Variants in NLRP5 observed in about 807,000 individuals in gnomAD.
NLRP5 encodes NACHT, LRR and PYD domains-containing protein 5.
NLRP5 carries 93 observed loss-of-function variants against 113.1 expected under a neutral mutation model. The ratio of observed to expected loss-of-function variants is 0.82; its 90% confidence interval spans 0.70 to 0.98. NLRP5 has a LOEUF of 0.98. NLRP5 is among the 50% of genes least tolerant of loss of function. NLRP5 has a pLI of 0.00. For missense variants in NLRP5, 1,808 were observed against 1,514.3 expected, an observed-to-expected ratio of 1.19 and a Z score of -3.22; for synonymous variants, 751 against 600.7, an observed-to-expected ratio of 1.25 and a Z score of -3.66.
chr19:56,050,502 C>G lies in NLRP5; in HGVS notation c.3042C>G (p.Ser1014Arg). The G allele has an allele frequency of 1.9e-6, 3 of 1,613,892 alleles. No homozygotes were observed. The highest frequency in any genetic ancestry group is 2.5e-6 in the Non-Finnish European group (3 of 1,179,856). The change falls in exon 12 of 15, where the codon AGC (serine) becomes AGG (arginine). Residue 1014 changes from serine (S) to arginine (R), a missense_variant. Transcript: ENST00000390649. ...GTAACTCATGGCTGACGCACCTGAG[C>G]CTTAGCATGAACCCTGTGGAAGACA...
At chr19:56,019,101 T>G (rs1335266266) in intron 4 of NLRP5, among the ~76,000 whole-genome samples, 1 of 152,088 alleles carries the variant, frequency 6.6e-6, no homozygotes, top group Admixed American at 6.6e-5. Context: ...CAACCTACCC[T>G]TCATTTTAAT....
chr19:56,043,862 C>G (rs1198574691), intron 11 of NLRP5, among the ~76,000 whole-genome samples: 1 of 151,602 alleles, frequency 6.6e-6, no homozygotes, highest in Non-Finnish European at 1.5e-5. Flanking sequence ...CAGGCGTGAG[C>G]CACCACGCCT....
intron 9 of NLRP5, among the ~76,000 whole-genome samples, chr19:56,034,508 T>C (rs1349330142): frequency 1.3e-5 from 2 of 152,222 alleles, no homozygotes; most frequent in Admixed American, 1.3e-4. Context: ...TATAGCAGTT[T>C]ATTACATCTA....
chr19:56,060,110 T>C (rs2123348656), intron 14 of NLRP5, among the ~76,000 whole-genome samples: 1 of 152,256 alleles, frequency 6.6e-6, no homozygotes, highest in East Asian at 1.9e-4. Context: ...GGAGTGCTGT[T>C]GAAAGAATGT....
intron 7 of NLRP5, among the ~76,000 whole-genome samples, chr19:56,029,585 C>T (rs1228411923): frequency 6.6e-6 from 1 of 152,102 alleles, no homozygotes; most frequent in African/African-American, 2.4e-5. Context: ...TTTAAATAGT[C>T]ACACATAGCT....
chr19:56,054,392 T>C (rs951046158), intron 13 of NLRP5, among the ~76,000 whole-genome samples: 1 of 152,056 alleles, frequency 6.6e-6, no homozygotes, highest in Non-Finnish European at 1.5e-5. Flanking sequence ...ACCCTGTCTC[T>C]ACTAAAAATA....
intron 6 of NLRP5, among the ~76,000 whole-genome samples, chr19:56,024,765 A>G (rs1444657810): frequency 6.6e-6 from 1 of 151,890 alleles, no homozygotes; most frequent in Non-Finnish European, 1.5e-5. Context: ...CTCAAAAAAA[A>G]AAAATCTTCA....
At chr19:56,049,302 C>T (rs1398199999) in intron 11 of NLRP5, among the ~76,000 whole-genome samples, 1 of 152,032 alleles carries the variant, frequency 6.6e-6, no homozygotes. Context: ...GCCTCAGCCT[C>T]CCGAGCAGCT....
upstream of NLRP5, among the ~76,000 whole-genome samples, chr19:55,998,578 G>C (rs374942854): frequency 6.6e-6 from 1 of 150,796 alleles, no homozygotes; most frequent in Non-Finnish European, 1.5e-5. Flanking sequence ...GCTTGAACCC[G>C]GGAGGTGGAG....
the NLRP5 span, among the ~76,000 whole-genome samples, chr19:55,990,944 A>G: frequency 6.6e-6 from 1 of 152,158 alleles, no homozygotes; most frequent in Non-Finnish European, 1.5e-5. Flanking sequence ...AGATCATATC[A>G]CTGTACTCTA....
At chr19:55,998,044 A>G (rs181300516), upstream of NLRP5, among the ~76,000 whole-genome samples, 42 of 152,320 alleles carry the variant, frequency 2.8e-4, 1 homozygote, top group East Asian at 7.3e-3. Context: ...CAAAACAACC[A>G]TGGTAGCATA....
intron 13 of NLRP5, among the ~76,000 whole-genome samples, chr19:56,054,323 C>G (rs1158367431): frequency 6.6e-6 from 1 of 152,090 alleles, no homozygotes; most frequent in Non-Finnish European, 1.5e-5. Flanking sequence ...TTTGGGAGGC[C>G]AAGGTGGGCA....
At chr19:56,054,770 G>T (rs1984068319) in intron 13 of NLRP5, among the ~76,000 whole-genome samples, 1 of 152,022 alleles carries the variant, frequency 6.6e-6, no homozygotes, top group Non-Finnish European at 1.5e-5. Context: ...GGGGGCAGCT[G>T]AATTGGTATG....
At chr19:56,030,711 C>CTTTTTT (rs1251579019) in intron 7 of NLRP5, among the ~76,000 whole-genome samples, 18,063 of 42,942 alleles carry the variant, frequency 0.42, 2,728 homozygotes, top group Non-Finnish European at 0.46. Context: ...TCGCTTTCTT[C>CTTTTTT]TTCTTTTTTT....
intron 1 of NLRP5, among the ~76,000 whole-genome samples, chr19:56,002,074 G>T (rs1279153751): frequency 1.3e-5 from 2 of 152,134 alleles, no homozygotes; most frequent in Non-Finnish European, 2.9e-5. Flanking sequence ...TAGACAACTC[G>T]GGGAGGTAAT....
Position 56,032,651 on chromosome 19 carries a change from T to C in NLRP5, c.2317T>C (p.Phe773Leu). The C allele has an allele frequency of 1.2e-6, 2 of 1,613,788 alleles. No homozygotes were observed. The highest frequency in any genetic ancestry group is 8.5e-7 in the Non-Finnish European group (1 of 1,179,818). The change falls in exon 8 of 15, where the codon TTC (phenylalanine) becomes CTC (leucine). Residue 773 changes from phenylalanine (F) to leucine (L), a missense_variant. Physicochemically the swap from Phe to Leu is conservative, Grantham distance 22. Transcript: ENST00000390649. ...CCTCATTGAGGAGCAGTGGGAAGAT[T>C]TCTGCTCCATGCTTGGCACCCACCC...
At chr19:56,031,069 CGTGGG>C (rs1983093365) in intron 7 of NLRP5, among the ~76,000 whole-genome samples, 5 of 84,970 alleles carry the variant, frequency 5.9e-5, no homozygotes, top group Non-Finnish European at 1.6e-4. Flanking sequence ...TGTTCACAAA[CGTGGG>C]AAGGTATACA....
At chr19:56,030,881 C>T (rs920083109) in intron 7 of NLRP5, among the ~76,000 whole-genome samples, 13 of 151,502 alleles carry the variant, frequency 8.6e-5, no homozygotes, top group Admixed American at 7.3e-4. Context: ...ACCCGGCTAA[C>T]TTTTGTATTT....
the NLRP5 span, among the ~76,000 whole-genome samples, chr19:55,987,525 A>G: frequency 6.6e-6 from 1 of 152,198 alleles, no homozygotes; most frequent in Non-Finnish European, 1.5e-5. Flanking sequence ...ATGCCATACA[A>G]TTCTGACGGT....
Sources: gnomAD v4.1 joint callset for allele counts (sites outside exome capture counted in the v4.1 genomes callset) on GRCh38, gnomAD v4.1.1 for gene constraint, MANE v1.5 for transcripts, NCBI Gene and HGNC (gene_info 2026-07-23, HGNC 2026-07-21) for gene names.